TRMT11: variants seen among roughly 807,000 people sequenced by gnomAD.
TRMT11 encodes the protein tRNA methyltransferase 11.
In TRMT11, 53 loss-of-function variants were observed where a neutral mutation model predicts 62.8. The ratio of observed to expected loss-of-function variants is 0.84; its 90% confidence interval spans 0.68 to 1.06. The LOEUF is 1.06. TRMT11 is among the 50% of genes least tolerant of loss of function. TRMT11 has a pLI of 0.00. For missense variants in TRMT11, 556 were observed against 553.4 expected (o/e 1.00, Z -0.05); for synonymous variants, 188 against 190.3 (o/e 0.99, Z 0.10).
the TRMT11 span, among the ~76,000 whole-genome samples, chr6:126,261,427 C>CT: frequency 1.2e-4 from 18 of 151,392 alleles, no homozygotes; most frequent in Non-Finnish European, 2.7e-4. Context: ...TGTTAATATC[C>CT]TTTTTTTTGG....
intron 16 of TRMT11, among the ~76,000 whole-genome samples, chr6:126,047,832 C>T (rs1043288527): frequency 3.3e-5 from 5 of 152,236 alleles, no homozygotes; most frequent in Admixed American, 3.3e-4. Context: ...TCTCCTGTTT[C>T]ACTACTGGGC....
chr6:126,162,236 T>C (rs540086400), intron 21 of TRMT11, among the ~76,000 whole-genome samples: 1 of 152,160 alleles, frequency 6.6e-6, no homozygotes, highest in Non-Finnish European at 1.5e-5. Context: ...TTAATTTTTG[T>C]ATAAGGTGTA....
chr6:126,093,627 A>T (rs1484425657), intron 17 of TRMT11, among the ~76,000 whole-genome samples: 14,211 of 94,586 alleles, frequency 0.15, 3,123 homozygotes, highest in African/African-American at 0.48. Flanking sequence ...ATATATATAT[A>T]TATATTTTCC....
intron 2 of TRMT11, among the ~76,000 whole-genome samples, chr6:125,994,248 A>T (rs1245617299): frequency 6.6e-6 from 1 of 152,188 alleles, no homozygotes; most frequent in Non-Finnish European, 1.5e-5. Flanking sequence ...AGTTTGGAAA[A>T]TAGAAAAAAT....
intron 21 of TRMT11, among the ~76,000 whole-genome samples, chr6:126,130,167 C>T (rs1777764468): frequency 6.6e-6 from 1 of 152,008 alleles, no homozygotes; most frequent in Non-Finnish European, 1.5e-5. Context: ...AAGCTCTGTT[C>T]TAGTTTTGTA....
At chr6:126,160,614 G>C (rs933027397) in intron 21 of TRMT11, among the ~76,000 whole-genome samples, 2 of 152,040 alleles carry the variant, frequency 1.3e-5, no homozygotes, top group African/African-American at 4.8e-5. Context: ...CTCAGCATAA[G>C]CTCTTGCCAG....
intron 17 of TRMT11, among the ~76,000 whole-genome samples, chr6:126,058,020 A>G (rs1390244780): frequency 6.6e-6 from 1 of 151,712 alleles, no homozygotes; most frequent in Admixed American, 6.6e-5. Context: ...GCATTGTTAC[A>G]TAGGTATACA....
chr6:126,258,862 C>G, the TRMT11 span, among the ~76,000 whole-genome samples: 1 of 151,950 alleles, frequency 6.6e-6, no homozygotes, highest in Non-Finnish European at 1.5e-5. Context: ...AGTACACGTG[C>G]AGGTTTGTTA....
chr6:126,010,645 T>C (rs1192455427), intron 8 of TRMT11, among the ~76,000 whole-genome samples: 1 of 152,136 alleles, frequency 6.6e-6, no homozygotes, highest in East Asian at 1.9e-4. Context: ...TCAAGGTACA[T>C]CAAGATTGAT....
At chr6:126,013,846 A>G (rs1053625536) in intron 11 of TRMT11, among the ~76,000 whole-genome samples, 1 of 152,202 alleles carries the variant, frequency 6.6e-6, no homozygotes, top group Admixed American at 6.5e-5. Flanking sequence ...CTTAGTACCT[A>G]TGGATCACAG....
intron 21 of TRMT11, among the ~76,000 whole-genome samples, chr6:126,134,415 A>G (rs1777826076): frequency 6.6e-6 from 1 of 151,936 alleles, no homozygotes; most frequent in African/African-American, 2.4e-5. Context: ...AGAGGATTCT[A>G]TAATGATAAA....
chr6:126,224,516 A>T, the TRMT11 span, among the ~76,000 whole-genome samples: 5 of 152,072 alleles, frequency 3.3e-5, no homozygotes, highest in Admixed American at 6.5e-5. Context: ...GCACCTGTTG[A>T]TCTTGGGGGC....
At chr6:126,184,564 T>C (rs978459175) in intron 1 of TRMT11, among the ~76,000 whole-genome samples, 8 of 152,214 alleles carry the variant, frequency 5.3e-5, no homozygotes, top group African/African-American at 1.9e-4. Context: ...GAAGCTGGGA[T>C]GCAGACTGAG....
the TRMT11 span, among the ~76,000 whole-genome samples, chr6:126,222,067 A>G: frequency 1.3e-5 from 2 of 152,178 alleles, no homozygotes; most frequent in Non-Finnish European, 2.9e-5. Context: ...TTGAATAGGG[A>G]GTCCTTTCCC....
chr6:126,168,670 C>T (rs375263937), intron 21 of TRMT11, among the ~76,000 whole-genome samples: 173 of 152,286 alleles, frequency 1.1e-3, no homozygotes, highest in African/African-American at 4.0e-3. Flanking sequence ...AGGAGTGTGC[C>T]ACCTCGCCCA....
chr6:126,155,214 C>A (rs963597066), intron 21 of TRMT11, among the ~76,000 whole-genome samples: 1 of 152,132 alleles, frequency 6.6e-6, no homozygotes, highest in Non-Finnish European at 1.5e-5. Flanking sequence ...TTTTATATGG[C>A]AAGAGCGGGA....
intron 12 of TRMT11, among the ~76,000 whole-genome samples, chr6:126,036,555 G>A (rs925481335): frequency 2.6e-5 from 4 of 152,028 alleles, no homozygotes; most frequent in Admixed American, 6.6e-5. Flanking sequence ...GGGATTTGAC[G>A]CAGGTTTCTG....
At chr6:126,169,793 G>A (rs12199355) in intron 21 of TRMT11, among the ~76,000 whole-genome samples, 45,713 of 152,020 alleles carry the variant, frequency 0.3, 7,201 homozygotes, top group African/African-American at 0.34. Flanking sequence ...TCAGGTCCCA[G>A]CTGGTAATGG....
At chr6:126,056,866 T>C (rs899553190) in intron 17 of TRMT11, among the ~76,000 whole-genome samples, 1 of 152,140 alleles carries the variant, frequency 6.6e-6, no homozygotes, top group African/African-American at 2.4e-5. Context: ...CAAAGAACGG[T>C]GATAACGTGG....
Sources: allele counts gnomAD v4.1 joint callset (sites outside exome capture counted in the v4.1 genomes callset), GRCh38; gene constraint gnomAD v4.1.1; transcripts MANE v1.5; gene names NCBI Gene and HGNC (gene_info 2026-07-23, HGNC 2026-07-21).